The following RAB17 variants were observed in gnomAD, a reference collection of about 807,000 sequenced individuals.
The protein encoded by RAB17 is ras-related protein Rab-17.
RAB17 carries 15 observed loss-of-function variants against 19.3 expected under a neutral mutation model. That is an observed-to-expected ratio of 0.78 (90% CI 0.52 to 1.20). The LOEUF is 1.20. Ranked by LOEUF, RAB17 falls within the 50% of genes most tolerant of loss-of-function variation. The pLI is 0.00. For missense variants in RAB17, 262 were observed against 269.3 expected (o/e 0.97, Z 0.19); for synonymous variants, 110 against 112.8 (o/e 0.97, Z 0.16).
At chr2:237,575,546 C>T (rs2081255264) in intron 4 of RAB17, 66 bp from the exon 5 acceptor site, 3 of 1,185,770 alleles carry the variant, frequency 2.5e-6, no homozygotes, top group East Asian at 4.9e-5. Flanking sequence ...ACCTGGTTCA[C>T]TTCCAACAGT....
rs553181730 is a variant in RAB17, at chr2:237,574,772, G to T, written c.*247C>A. 1.0e-5 allele frequency: 12 copies of T among 1,148,534 alleles called. No homozygotes were observed. In the East Asian group the frequency reaches 3.0e-4, roughly 28 times the overall value. The allele number at this position is 1,148,534 out of a possible 1,614,324, so 71.1% of individuals were successfully genotyped here. ...CACCGTCCAGGTGGAACAGGCACAG[G>T]CATCGGGGAATCAGATGGTATCAGT... is the stretch of plus-strand genomic sequence containing the variant. On this transcript the variant is annotated 3_prime_UTR_variant, in exon 6 of 6. Coordinates refer to ENST00000264601, the MANE Select transcript of RAB17 (RefSeq NM_022449.4).
chr2:237,585,876 C>G (rs1291795307), intron 2 of RAB17, 122 bp downstream of exon 2: 8 of 1,041,388 alleles, frequency 7.7e-6, no homozygotes, highest in Non-Finnish European at 1.1e-5. Context: ...TGGACACAGG[C>G]AGCTCAAGGT....
Position 237,574,986 on chromosome 2 carries a change from T to C in RAB17, c.*33A>G, listed in dbSNP as rs1574931058. On this transcript the variant is annotated 3_prime_UTR_variant, in exon 6 of 6. Transcript: ENST00000264601. ...AGCTGGCCATGGCCCAGGCAGGGGG[T>C]GTCTTCCCCACAGCCCCCAGGAGTG... is the stretch of plus-strand genomic sequence containing the variant. The C allele has an allele frequency of 6.8e-7, 1 of 1,477,772 alleles. No homozygotes were observed. The highest frequency in any genetic ancestry group is 9.2e-7 in the Non-Finnish European group (1 of 1,085,638). 91.5% of individuals were successfully genotyped at this position (1,477,772 alleles called of 1,614,324 possible).
Position 237,575,114 on chromosome 2 carries a change from G to C in RAB17, c.544C>G (p.Gln182Glu). 6.2e-7 allele frequency: 1 copy of C among 1,613,300 alleles called. No individual in the cohort carries two copies. The highest frequency in any genetic ancestry group is 8.5e-7 in the Non-Finnish European group (1 of 1,179,758). ...VFNTVAQELLQRSDEEGQALR... is the reference protein window; with the variant it reads ...VFNTVAQELLERSDEEGQALR... ...GCCTGGCCCTCCTCGTCGCTTCTCTGCAGTAGCTCTTGGGCTGTGAACAGC... is the reference window on the plus strand; with the variant it reads ...GCCTGGCCCTCCTCGTCGCTTCTCTCCAGTAGCTCTTGGGCTGTGAACAGC... Residue 182 changes from glutamine (Q) to glutamate (E), a missense_variant, in exon 6 of 6, where the codon CAG becomes GAG. Coordinates refer to ENST00000264601, the MANE Select transcript of RAB17 (RefSeq NM_022449.4).
intron 2 of RAB17, among the ~76,000 whole-genome samples, chr2:237,582,842 G>A (rs1395753833): frequency 1.3e-5 from 2 of 152,330 alleles, no homozygotes; most frequent in African/African-American, 4.8e-5. Flanking sequence ...TTATAATGAG[G>A]ATTAATAATT....
At chr2:237,579,315 AAGTCCCATGAGCCG>A (rs1251851039) in intron 2 of RAB17, 1 of 152,240 alleles carries the variant, frequency 6.6e-6, no homozygotes, top group African/African-American at 2.4e-5. Context: ...TGCCAAAACA[AAGTCCCATGAGCCG>A]AGTGGCTCAA....
In RAB17 at chr2:237,574,412, C is replaced by A; in HGVS notation, c.*607G>T. On this transcript the variant is annotated 3_prime_UTR_variant, in exon 6 of 6. Transcript: ENST00000264601. ...GGCGAAATGTCTCAGAATCTTCCTG[C>A]TCATTGGACAGAAACTCAGCTTCAC... The A allele has an allele frequency of 6.5e-7, 1 of 1,544,526 alleles. No homozygotes were observed. Among genetic ancestry groups the A allele is most frequent in the African/African-American group, 1.4e-5 (1 of 72,948 alleles).
At chr2:237,581,339 A>G (rs1005879589) in intron 2 of RAB17, among the ~76,000 whole-genome samples, 2 of 150,532 alleles carry the variant, frequency 1.3e-5, no homozygotes, top group Admixed American at 6.7e-5. Context: ...ATACCACCAC[A>G]CTCCAGCCTG....
At chr2:237,586,878 T>A (rs12611793) in intron 1 of RAB17, among the ~76,000 whole-genome samples, 1 of 152,160 alleles carries the variant, frequency 6.6e-6, no homozygotes, top group East Asian at 1.9e-4. Context: ...AACCTCCCCC[T>A]GCAGGGTACT....
intron 1 of RAB17, among the ~76,000 whole-genome samples, chr2:237,589,989 A>C (rs1224479349): frequency 6.6e-6 from 1 of 152,208 alleles, no homozygotes; most frequent in Non-Finnish European, 1.5e-5. Context: ...GTACACCTGT[A>C]CATTGCATTC....
chr2:237,583,919 C>A (rs2081328133), intron 2 of RAB17, among the ~76,000 whole-genome samples: 1 of 151,818 alleles, frequency 6.6e-6, no homozygotes, highest in Non-Finnish European at 1.5e-5. Flanking sequence ...ACATACAGGC[C>A]TGCCCCCCAA....
At chr2:237,577,906 C>G in intron 3 of RAB17, 98 bp downstream of exon 3, 2 of 1,382,642 alleles carry the variant, frequency 1.4e-6, no homozygotes, top group Admixed American at 4.2e-5. Context: ...AATGGAGTCT[C>G]TGTTCCTTGT....
At chr2:237,579,380 CA>C (rs2081291367) in intron 2 of RAB17, 1 of 152,194 alleles carries the variant, frequency 6.6e-6, no homozygotes, top group Admixed American at 6.6e-5. Flanking sequence ...GCCAGAGGTC[CA>C]AAACTGATGC....
intron 1 of RAB17, among the ~76,000 whole-genome samples, chr2:237,589,137 T>C (rs978462953): frequency 1.3e-5 from 2 of 151,372 alleles, no homozygotes; most frequent in African/African-American, 4.9e-5. Context: ...GGAAAATCGC[T>C]TGAACCCAGG....
intron 1 of RAB17, among the ~76,000 whole-genome samples, chr2:237,587,443 A>C (rs947450993): frequency 6.6e-6 from 1 of 152,200 alleles, no homozygotes; most frequent in Admixed American, 6.5e-5. Context: ...AGGAAAGAAG[A>C]AAAGCAGGAG....
At chr2:237,576,468 C>T (rs931834289) in intron 4 of RAB17, 19 of 421,406 alleles carry the variant, frequency 4.5e-5, no homozygotes, top group Admixed American at 1.5e-4. Flanking sequence ...CTCAGACTGA[C>T]GCTGTCTCCC....
chr2:237,583,082 C>T (rs927216086), intron 2 of RAB17, among the ~76,000 whole-genome samples: 12 of 152,334 alleles, frequency 7.9e-5, no homozygotes, highest in African/African-American at 2.9e-4. Flanking sequence ...GCCTGGGCAA[C>T]AGAGCGAGAC....
rs11542159 is a variant in RAB17, at chr2:237,578,124, A to G, written c.189T>C (p.Gly63=). The G allele has an allele frequency of 0.096, 155,038 of 1,613,262 alleles. 8,402 individuals carry two copies. Among genetic ancestry groups the G allele is most frequent in the South Asian group, 0.11 (10,198 of 91,044 alleles). Reference sequence around the variant, plus strand: ...AGATCTCAAGCTTCAGAGAGGTGGCACCCACATCCACCACCTTTGTGAAGA... The same window carrying G: ...AGATCTCAAGCTTCAGAGAGGTGGCGCCCACATCCACCACCTTTGTGAAGA... ...CAFFTKVVDV[G]ATSLKLEIWD... Residue 63 remains glycine (G), a synonymous_variant, in exon 3 of 6, where the codon GGT becomes GGC. Transcript: ENST00000264601.
At chr2:237,589,220 CA>C (rs371809449) in intron 1 of RAB17, among the ~76,000 whole-genome samples, 1 of 141,498 alleles carries the variant, frequency 7.1e-6, no homozygotes, top group Admixed American at 6.8e-5. Flanking sequence ...AATCTGTCTC[CA>C]AAAAAAAAGG....
Sources: allele counts gnomAD v4.1 joint callset (sites outside exome capture counted in the v4.1 genomes callset), GRCh38; gene constraint gnomAD v4.1.1; transcripts MANE v1.5; gene names NCBI Gene and HGNC (gene_info 2026-07-23, HGNC 2026-07-21).